GABRB1: variants seen among roughly 807,000 people sequenced by gnomAD.
The protein encoded by GABRB1 is gamma-aminobutyric acid type A receptor subunit beta1.
Under a neutral mutation model 51.6 loss-of-function variants are expected in GABRB1, and 17 were observed. The observed-to-expected ratio is 0.33, with a 90% confidence interval of 0.23 to 0.49. The LOEUF (loss-of-function observed/expected upper bound fraction) is 0.49. Among genes scored for constraint, GABRB1 ranks in the 20% least tolerant of loss-of-function variants. The pLI is 0.99. For synonymous variants in GABRB1, 247 were observed against 218.9 expected (o/e 1.13, Z -1.14); for missense variants, 410 against 600.6 (o/e 0.68, Z 3.32).
At chr4:47,392,883 A>G (rs1728052847) in intron 5 of GABRB1, among the ~76,000 whole-genome samples, 1 of 152,232 alleles carries the variant, frequency 6.6e-6, no homozygotes. Flanking sequence ...AGGTATGTCA[A>G]TCCAGTGTCT....
chr4:47,142,060 A>C (rs755252491), intron 3 of GABRB1, among the ~76,000 whole-genome samples: 3 of 151,962 alleles, frequency 2.0e-5, no homozygotes, highest in African/African-American at 7.2e-5. Flanking sequence ...CCTACACTAC[A>C]GAGGGAAGAT....
At chr4:47,094,776 A>T (rs933961676) in intron 3 of GABRB1, among the ~76,000 whole-genome samples, 1 of 151,514 alleles carries the variant, frequency 6.6e-6, no homozygotes, top group African/African-American at 2.4e-5. Context: ...AAAAAAAAAA[A>T]GAAAGAAAAA....
intron 4 of GABRB1, among the ~76,000 whole-genome samples, chr4:47,173,358 A>G (rs978048147): frequency 6.6e-6 from 1 of 152,176 alleles, no homozygotes; most frequent in Non-Finnish European, 1.5e-5. Flanking sequence ...TGCCTTTTCA[A>G]CTAAAGTATG....
At chr4:47,157,850 C>T (rs1045655729) in intron 3 of GABRB1, among the ~76,000 whole-genome samples, 1 of 152,064 alleles carries the variant, frequency 6.6e-6, no homozygotes, top group Admixed American at 6.6e-5. Context: ...AGGCTACTAA[C>T]TCCAGAAATG....
intron 1 of GABRB1, among the ~76,000 whole-genome samples, chr4:46,997,240 T>C (rs1024559862): frequency 2.6e-5 from 4 of 152,206 alleles, no homozygotes. Context: ...GATATAAATA[T>C]ATAGCAAAAT....
intron 4 of GABRB1, among the ~76,000 whole-genome samples, chr4:47,315,800 T>C (rs931057942): frequency 6.6e-6 from 1 of 151,928 alleles, no homozygotes; most frequent in African/African-American, 2.4e-5. Context: ...AAACACCACA[T>C]GTTCTCACTT....
Position 47,426,086 on chromosome 4 carries a change from A to G in GABRB1, c.*68A>G, listed in dbSNP as rs544199293. On this transcript the variant is annotated 3_prime_UTR_variant, in exon 9 of 9. Coordinates refer to ENST00000295454, the MANE Select transcript of GABRB1 (RefSeq NM_000812.4). ...TTGTTTTTTAACCTTACAGGTCCCCAACAGCGATACTGCTGTTTCTCGAGG... is the reference window on the plus strand; with the variant it reads ...TTGTTTTTTAACCTTACAGGTCCCCGACAGCGATACTGCTGTTTCTCGAGG... The G allele has an allele frequency of 6.3e-4, 799 of 1,271,388 alleles. No homozygotes were observed. The highest frequency in any genetic ancestry group is 8.4e-4 in the Non-Finnish European group (771 of 921,382). 78.8% of individuals were successfully genotyped at this position (1,271,388 alleles called of 1,614,324 possible). A position where few individuals can be genotyped will look rare whatever the true frequency, so the allele number is the denominator to read the frequency against.
intron 5 of GABRB1, among the ~76,000 whole-genome samples, chr4:47,396,187 A>T (rs996462342): frequency 6.6e-6 from 1 of 152,206 alleles, no homozygotes; most frequent in Non-Finnish European, 1.5e-5. Flanking sequence ...GGAGCAAGTC[A>T]TATCTTACAT....
intron 4 of GABRB1, among the ~76,000 whole-genome samples, chr4:47,196,409 C>T (rs896866045): frequency 2.0e-5 from 3 of 152,188 alleles, no homozygotes; most frequent in Non-Finnish European, 4.4e-5. Context: ...GGAGATCCAG[C>T]ACTGGATAGA....
At chr4:47,360,359 T>G (rs1578121714) in intron 5 of GABRB1, among the ~76,000 whole-genome samples, 2 of 148,540 alleles carry the variant, frequency 1.3e-5, no homozygotes, top group African/African-American at 4.9e-5. Context: ...CAACTCAGAG[T>G]TTTTTTTTTC....
chr4:47,032,128 G>GCACACACA (rs72109821), intron 2 of GABRB1, 123 bp downstream of exon 2: 506 of 583,478 alleles, frequency 8.7e-4, no homozygotes, highest in African/African-American at 2.8e-3. Context: ...TATACCCTGG[G>GCACACACA]CACACACACA....
chr4:47,262,968 T>A (rs1722501561), intron 4 of GABRB1, among the ~76,000 whole-genome samples: 1 of 141,878 alleles, frequency 7.0e-6, no homozygotes. Flanking sequence ...CCGCATGTTC[T>A]CACTCATAGG....
At chr4:47,115,678 A>G (rs1225572278) in intron 3 of GABRB1, among the ~76,000 whole-genome samples, 1 of 152,086 alleles carries the variant, frequency 6.6e-6, no homozygotes, top group African/African-American at 2.4e-5. Flanking sequence ...TGCATATTTT[A>G]TAGCAAATTA....
chr4:47,182,349 G>A (rs1285890993), intron 4 of GABRB1, among the ~76,000 whole-genome samples: 2 of 151,578 alleles, frequency 1.3e-5, no homozygotes, highest in Non-Finnish European at 2.9e-5. Flanking sequence ...GCAGAAAAAA[G>A]GTATGACATT....
At chr4:47,358,156 C>T (rs1182080386) in intron 5 of GABRB1, among the ~76,000 whole-genome samples, 2 of 151,954 alleles carry the variant, frequency 1.3e-5, no homozygotes, top group East Asian at 1.9e-4. Context: ...CTCTAAAGGC[C>T]GTTCACTTAG....
chr4:47,094,380 C>G (rs1330124156), intron 3 of GABRB1, among the ~76,000 whole-genome samples: 2 of 151,772 alleles, frequency 1.3e-5, no homozygotes. Flanking sequence ...TGCCCACCAC[C>G]AGCCCAGCTA....
At chr4:47,126,123 C>T (rs1267573873) in intron 3 of GABRB1, among the ~76,000 whole-genome samples, 1 of 151,688 alleles carries the variant, frequency 6.6e-6, no homozygotes, top group Non-Finnish European at 1.5e-5. Context: ...AAAAATATAT[C>T]CTGACATTTG....
intron 4 of GABRB1, among the ~76,000 whole-genome samples, chr4:47,274,116 C>T (rs1299479524): frequency 1.3e-5 from 2 of 152,070 alleles, no homozygotes; most frequent in African/African-American, 4.8e-5. Flanking sequence ...TTTCTCAACT[C>T]TTAAAGCAAG....
chr4:47,238,956 A>ACAGACATT (rs1330535422), intron 4 of GABRB1, among the ~76,000 whole-genome samples: 1 of 152,228 alleles, frequency 6.6e-6, no homozygotes, highest in Non-Finnish European at 1.5e-5. Context: ...TTAGTTGAGG[A>ACAGACATT]CAGACATTCA....
Sources: allele counts gnomAD v4.1 joint callset (sites outside exome capture counted in the v4.1 genomes callset), GRCh38; gene constraint gnomAD v4.1.1; transcripts MANE v1.5; gene names NCBI Gene and HGNC (gene_info 2026-07-23, HGNC 2026-07-21).